Variants in RARB observed in about 807,000 individuals in gnomAD.
The protein encoded by RARB is retinoic acid receptor beta.
A neutral mutation model predicts 51.9 loss-of-function variants in RARB; 17 were observed. That is an observed-to-expected ratio of 0.33 (90% CI 0.22 to 0.49). The LOEUF is 0.49. Ranked by LOEUF, RARB falls within the 20% of genes least tolerant of loss-of-function variation. The pLI is 0.99. For synonymous variants in RARB, 215 were observed against 195.4 expected, an observed-to-expected ratio of 1.10 and a Z score of -0.84; for missense variants, 369 against 550.8, an observed-to-expected ratio of 0.67 and a Z score of 3.30.
chr3:25,577,065 A>G (rs150076821), intron 4 of RARB, among the ~76,000 whole-genome samples: 205 of 152,326 alleles, frequency 1.3e-3, no homozygotes, highest in African/African-American at 4.7e-3. Context: ...AGATGCAACC[A>G]CAGGCTTTAG....
intron 2 of RARB, among the ~76,000 whole-genome samples, chr3:25,009,290 T>C (rs4131225): frequency 6.6e-6 from 1 of 152,160 alleles, no homozygotes; most frequent in Non-Finnish European, 1.5e-5. Flanking sequence ...CGTTCTATAA[T>C]TTTGTGACTT....
intron 5 of RARB, among the ~76,000 whole-genome samples, chr3:25,379,903 A>T (rs1474406337): frequency 1.3e-5 from 2 of 152,116 alleles, no homozygotes; most frequent in Non-Finnish European, 2.9e-5. Flanking sequence ...ATAGCCCCTC[A>T]GATAACTTTC....
At chr3:25,038,881 A>G (rs71311520) in intron 2 of RARB, among the ~76,000 whole-genome samples, 6,912 of 152,300 alleles carry the variant, frequency 0.045, 225 homozygotes, top group Non-Finnish European at 0.072. Context: ...TGTTTTAAGT[A>G]AAAATAGAAA....
chr3:25,141,145 C>T (rs1205533158), intron 4 of RARB, among the ~76,000 whole-genome samples: 1 of 151,934 alleles, frequency 6.6e-6, no homozygotes, highest in Non-Finnish European at 1.5e-5. Flanking sequence ...TGTCATATCC[C>T]TTATAAAATA....
At chr3:25,591,791 C>A (rs539219836) in intron 5 of RARB, among the ~76,000 whole-genome samples, 1 of 152,172 alleles carries the variant, frequency 6.6e-6, no homozygotes, top group Non-Finnish European at 1.5e-5. Flanking sequence ...ACAACAGAGG[C>A]GCTGCTGCAC....
chr3:25,544,700 G>A (rs1356534308), intron 3 of RARB, among the ~76,000 whole-genome samples: 1 of 152,114 alleles, frequency 6.6e-6, no homozygotes, highest in Non-Finnish European at 1.5e-5. Flanking sequence ...TGCCACTTCA[G>A]TAATCTACAC....
chr3:25,529,877 A>T (rs1381634789), intron 3 of RARB, among the ~76,000 whole-genome samples: 1 of 152,210 alleles, frequency 6.6e-6, no homozygotes, highest in Non-Finnish European at 1.5e-5. Context: ...ATTCTTTTAC[A>T]GCTACGCAAG....
At chr3:24,949,953 A>G (rs1428277568) in intron 2 of RARB, among the ~76,000 whole-genome samples, 1 of 152,234 alleles carries the variant, frequency 6.6e-6, no homozygotes, top group Non-Finnish European at 1.5e-5. Flanking sequence ...GTACCTTTGG[A>G]TCACACCCAA....
intron 3 of RARB, among the ~76,000 whole-genome samples, chr3:25,073,742 A>G (rs372233371): frequency 2.0e-5 from 3 of 152,186 alleles, no homozygotes; most frequent in African/African-American, 7.2e-5. Flanking sequence ...AACAAATATC[A>G]TGGCTACAAT....
At chr3:25,038,766 T>G (rs529480159) in intron 2 of RARB, among the ~76,000 whole-genome samples, 1 of 152,282 alleles carries the variant, frequency 6.6e-6, no homozygotes, top group South Asian at 2.1e-4. Context: ...AGAAAAAGCA[T>G]GAAGAGTGAT....
intron 3 of RARB, among the ~76,000 whole-genome samples, chr3:25,508,477 T>G (rs951706182): frequency 3.3e-5 from 5 of 152,214 alleles, no homozygotes; most frequent in Non-Finnish European, 7.4e-5. Flanking sequence ...ACAAATTATA[T>G]TGATGTGCTC....
At chr3:24,981,209 C>A (rs902068784) in intron 2 of RARB, among the ~76,000 whole-genome samples, 1 of 152,184 alleles carries the variant, frequency 6.6e-6, no homozygotes, top group South Asian at 2.1e-4. Context: ...GTCTCCCAGT[C>A]AGGCTACACA....
intron 2 of RARB, among the ~76,000 whole-genome samples, chr3:25,461,545 G>T (rs563404426): frequency 2.0e-5 from 3 of 152,168 alleles, no homozygotes; most frequent in African/African-American, 7.2e-5. Flanking sequence ...ACTGATGAGG[G>T]TCAAAGGTTC....
At chr3:24,839,892 T>C (rs980915053) in intron 1 of RARB, among the ~76,000 whole-genome samples, 2 of 152,166 alleles carry the variant, frequency 1.3e-5, no homozygotes, top group Non-Finnish European at 2.9e-5. Flanking sequence ...TCGAAAAATG[T>C]ATCCTACAAA....
chr3:25,032,636 G>A (rs1040681939), intron 2 of RARB, among the ~76,000 whole-genome samples: 2 of 152,194 alleles, frequency 1.3e-5, no homozygotes, highest in African/African-American at 2.4e-5. Context: ...CATAGCACTG[G>A]TCAGGCTGTG....
At chr3:24,864,871 T>A (rs1702818838) in intron 2 of RARB, among the ~76,000 whole-genome samples, 1 of 152,208 alleles carries the variant, frequency 6.6e-6, no homozygotes, top group African/African-American at 2.4e-5. Flanking sequence ...TGGGTAGTAT[T>A]TCTAAAGTTT....
chr3:24,909,598 A>C (rs1694945826), intron 2 of RARB, among the ~76,000 whole-genome samples: 2 of 150,222 alleles, frequency 1.3e-5, no homozygotes, highest in South Asian at 4.2e-4. Flanking sequence ...CCTCATCTCC[A>C]AGATTCAGCT....
intron 3 of RARB, 117 bp from the exon 4 acceptor site, chr3:25,569,641 G>A (rs1179904244): frequency 1.6e-6 from 2 of 1,241,358 alleles, no homozygotes; most frequent in African/African-American, 3.0e-5. Flanking sequence ...TCTTCCCACT[G>A]TTTCTGTCCC....
At chr3:25,232,887 G>A (rs201456694) in intron 5 of RARB, among the ~76,000 whole-genome samples, 1 of 151,826 alleles carries the variant, frequency 6.6e-6, no homozygotes, top group African/African-American at 2.4e-5. Flanking sequence ...GTAAGCTAAT[G>A]TAGGTGTTCT....
Sources: gnomAD v4.1 joint callset for allele counts (sites outside exome capture counted in the v4.1 genomes callset) on GRCh38, gnomAD v4.1.1 for gene constraint, MANE v1.5 for transcripts, NCBI Gene and HGNC (gene_info 2026-07-23, HGNC 2026-07-21) for gene names.